DENND4A: variants seen among roughly 807,000 people sequenced by gnomAD.
DENND4A encodes the protein C-myc promoter-binding protein.
In DENND4A, 70 loss-of-function variants were observed where a neutral mutation model predicts 199.3. That is an observed-to-expected ratio of 0.35 (90% confidence interval 0.29 to 0.43). DENND4A has a LOEUF of 0.43. DENND4A is among the 20% of genes least tolerant of loss of function. The pLI is 1.00. For synonymous variants in DENND4A, 686 were observed against 766.9 expected, an observed-to-expected ratio of 0.89 and a Z score of 1.74; for missense variants, 1,723 against 2,255.8, an observed-to-expected ratio of 0.76 and a Z score of 4.78.
intron 23 of DENND4A, among the ~76,000 whole-genome samples, chr15:65,689,860 T>C (rs1362092906): frequency 6.6e-6 from 1 of 152,180 alleles, no homozygotes; most frequent in Non-Finnish European, 1.5e-5. Flanking sequence ...TTCATGCCCA[T>C]AATGAGCAAA....
chr15:65,764,464 C>T (rs1420729833), intron 1 of DENND4A, among the ~76,000 whole-genome samples: 1 of 151,886 alleles, frequency 6.6e-6, no homozygotes, highest in Non-Finnish European at 1.5e-5. Flanking sequence ...AACCCCATCT[C>T]TACTAAAAAT....
chr15:65,729,707 A>T, intron 9 of DENND4A, 29 bp from the exon 10 acceptor site: 1 of 1,534,162 alleles, frequency 6.5e-7, no homozygotes, highest in Non-Finnish European at 8.8e-7. Context: ...ATATATAATT[A>T]AAAAATAATG....
At chr15:65,729,347 C>G in intron 10 of DENND4A, 100 bp from the exon 11 acceptor site, 1 of 1,397,860 alleles carries the variant, frequency 7.2e-7, no homozygotes, top group Non-Finnish European at 9.9e-7. Flanking sequence ...TATCTAAAGC[C>G]TAATGCCTGA....
intron 11 of DENND4A, among the ~76,000 whole-genome samples, chr15:65,727,452 CAAAAA>C (rs35066518): frequency 5.8e-5 from 4 of 68,764 alleles, no homozygotes; most frequent in African/African-American, 1.7e-4. Context: ...GACTCCGTCT[CAAAAA>C]AAAAAAAAAA....
intron 2 of DENND4A, among the ~76,000 whole-genome samples, chr15:65,756,774 G>A (rs2076712982): frequency 1.3e-5 from 2 of 152,260 alleles, no homozygotes; most frequent in South Asian, 4.1e-4. Context: ...AGTGGCTCAC[G>A]CCTGTAATCC....
In DENND4A at chr15:65,720,947, T is replaced by TTCTATATATA. The variant is rs1435137020; in HGVS notation, c.1588+1900_1588+1901insTATATATAGA. On this transcript the variant is annotated intron_variant, in intron 12 of 32. Transcript: ENST00000443035. Reference sequence around the variant, plus strand: ...AAAGTTGAATGGGCTGTTTCATTGATTATATATATATATATATATATATAT... The same window carrying TTCTATATATA: ...AAAGTTGAATGGGCTGTTTCATTGATTCTATATATATATATATATATATATATATATATAT... Among the ~76,000 whole-genome samples the TTCTATATATA allele has an allele frequency of 4.7e-4, 36 of 76,268 alleles. 1 individual carries two copies. The highest frequency in any genetic ancestry group is 2.8e-3 in the East Asian group (12 of 4,270). The allele number at this position is 76,268 out of a possible 152,430, so 50.0% of individuals were successfully genotyped here.
At chr15:65,701,317 A>T (rs2074860219) in intron 18 of DENND4A, 125 bp from the exon 19 acceptor site, 1 of 811,134 alleles carries the variant, frequency 1.2e-6, no homozygotes, top group African/African-American at 1.8e-5. Flanking sequence ...CTGTAATCCC[A>T]GCAATTTGGG....
intron 1 of DENND4A, among the ~76,000 whole-genome samples, chr15:65,790,030 G>A (rs549049499): frequency 6.6e-6 from 1 of 152,242 alleles, no homozygotes; most frequent in East Asian, 1.9e-4. Flanking sequence ...GTGCACGCCT[G>A]TAGTCCCAGC....
chr15:65,715,552 G>C lies in DENND4A; in HGVS notation c.1879C>G (p.Arg627Gly), dbSNP rs774409901. The C allele has an allele frequency of 6.2e-7, 1 of 1,608,122 alleles. No homozygotes were observed. The highest frequency in any genetic ancestry group is 8.5e-7 in the Non-Finnish European group (1 of 1,177,736). Residue 627 changes from arginine to glycine, a missense_variant, in exon 14 of 33, where the codon CGC (arginine) becomes GGC (glycine). Arg to Gly is a moderately radical substitution (Grantham distance 125, BLOSUM62 -2). Coordinates refer to ENST00000443035, the MANE Select transcript of DENND4A (RefSeq NM_001320835.1). ...NMMTKTQMFI[R>G]FIEECSFVSD... ...ACAAAAGAACATTCTTCAATGAAGC[G>C]AATAAACATTTGTGTTTTGGTCATC...
chr15:65,749,544 G>A (rs2076504434), intron 4 of DENND4A, among the ~76,000 whole-genome samples: 1 of 152,024 alleles, frequency 6.6e-6, no homozygotes, highest in Non-Finnish European at 1.5e-5. Context: ...CTTTACAAAA[G>A]AGGATAATAA....
At chr15:65,676,869 A>AG (rs1343746539) in intron 23 of DENND4A, among the ~76,000 whole-genome samples, 12 of 152,304 alleles carry the variant, frequency 7.9e-5, no homozygotes, top group African/African-American at 2.9e-4. Context: ...AGTATATACT[A>AG]GTTAGTAAGG....
chr15:65,781,122 A>G (rs1211855140), intron 1 of DENND4A, among the ~76,000 whole-genome samples: 2 of 152,236 alleles, frequency 1.3e-5, no homozygotes, highest in Non-Finnish European at 2.9e-5. Context: ...AAGGCATTCC[A>G]GGCAGAAGGA....
chr15:65,705,012 T>A (rs2075002755), intron 15 of DENND4A, among the ~76,000 whole-genome samples: 1 of 151,494 alleles, frequency 6.6e-6, no homozygotes, highest in Non-Finnish European at 1.5e-5. Flanking sequence ...AAGCATAAAG[T>A]ACAAAAGAGA....
In DENND4A at chr15:65,740,587, C is replaced by T. The variant is rs188285745; in HGVS notation, c.631+1128G>A. Among the ~76,000 whole-genome samples, 362 of 150,098 alleles carry T rather than the reference C, an allele frequency of 2.4e-3. 1 individual carries two copies. The highest frequency in any genetic ancestry group is 8.5e-3 in the African/African-American group (346 of 40,722). On this transcript the variant is annotated intron_variant, in intron 5 of 32. Transcript: ENST00000443035. The stretch of plus-strand genomic sequence containing the variant: ...AAGGTTGCAGTGAACTATGATCCCA[C>T]GACTGCACTCTAGACTAGGCAACAG...
chr15:65,683,569 G>T, intron 23 of DENND4A, among the ~76,000 whole-genome samples: 1 of 152,022 alleles, frequency 6.6e-6, no homozygotes, highest in South Asian at 2.1e-4. Context: ...ATATATTTTT[G>T]TTCATTCCAC....
chr15:65,700,509 T>C, intron 20 of DENND4A, 35 bp downstream of exon 20: 1 of 1,274,046 alleles, frequency 7.8e-7, no homozygotes. Context: ...TTTAAAAATG[T>C]ACTATAATAA....
At chr15:65,733,947 C>A (rs1355284972) in intron 7 of DENND4A, among the ~76,000 whole-genome samples, 5 of 152,208 alleles carry the variant, frequency 3.3e-5, no homozygotes, top group Admixed American at 3.3e-4. Flanking sequence ...ACAAATACTG[C>A]GGAAGGCCGC....
Position 65,697,288 on chromosome 15 carries a change from T to G in DENND4A, c.2929A>C (p.Lys977Gln). 3 of 1,594,706 alleles carry G rather than the reference T, an allele frequency of 1.9e-6. No individual in the cohort carries two copies. The highest frequency in any genetic ancestry group is 2.6e-6 in the Non-Finnish European group (3 of 1,166,324). The change falls in exon 21 of 33, where the codon AAA (lysine) becomes CAA (glutamine). Residue 977 changes from lysine (K) to glutamine (Q), a missense_variant. Transcript: ENST00000443035. ...TEDIQEEKDK[K>Q]GSDCSSLSES... ...CTACAGGAACTACAATCACTCCCTT[T>G]TTTATCTTTTTCTTCTTGAATGTCT...
intron 1 of DENND4A, among the ~76,000 whole-genome samples, chr15:65,787,089 TG>T (rs1366776620): frequency 5.6e-4 from 85 of 152,274 alleles, no homozygotes; most frequent in African/African-American, 2.0e-3. Context: ...ATTTTATATG[TG>T]GGTATGTGGG....
Sources: gnomAD v4.1 joint callset for allele counts (sites outside exome capture counted in the v4.1 genomes callset) on GRCh38, gnomAD v4.1.1 for gene constraint, MANE v1.5 for transcripts, NCBI Gene and HGNC (gene_info 2026-07-23, HGNC 2026-07-21) for gene names.